CRACDL: variants seen among roughly 807,000 people sequenced by gnomAD.
The protein encoded by CRACDL is CRACD like.
A neutral mutation model predicts 70.6 loss-of-function variants in CRACDL; 26 were observed. The observed-to-expected ratio is 0.37, with a 90% CI of 0.27 to 0.51. CRACDL has a LOEUF of 0.51. Among genes scored for constraint, CRACDL ranks in the 20% least tolerant of loss-of-function variants. The pLI, the probability that CRACDL is intolerant of heterozygous loss-of-function variation, is 0.94. For missense variants in CRACDL, 1,283 were observed against 1,376.9 expected (o/e 0.93, Z 1.08); for synonymous variants, 618 against 615.2 (o/e 1.00, Z -0.07).
intron 1 of CRACDL, among the ~76,000 whole-genome samples, chr2:98,851,825 A>G (rs1706494557): frequency 6.6e-6 from 1 of 152,264 alleles, no homozygotes; most frequent in Non-Finnish European, 1.5e-5. Flanking sequence ...GATGATAAGT[A>G]TAAACTGTGG....
chr2:98,895,511 G>A (rs1210101246), intron 1 of CRACDL, among the ~76,000 whole-genome samples: 1 of 152,196 alleles, frequency 6.6e-6, no homozygotes, highest in African/African-American at 2.4e-5. Context: ...CCCGGAGGCA[G>A]GGGGGAACAT....
In CRACDL at chr2:98,827,032, G is replaced by A; in HGVS notation, c.678C>T (p.His226=). Residue 226 remains histidine (H), a synonymous_variant, in exon 6 of 10, where the codon CAC becomes CAT. Coordinates refer to ENST00000397899, the MANE Select transcript of CRACDL (RefSeq NM_207362.3). ...SSCLDNSAAK[H]KLQVKPRNQR... is the part of the protein sequence containing the mutation. Reference sequence around the variant, plus strand: ...GGTTGCGGGGCTTGACCTGGAGCTTGTGCTTAGCTGCAGAGTTGTCCAGGC... The same window carrying A: ...GGTTGCGGGGCTTGACCTGGAGCTTATGCTTAGCTGCAGAGTTGTCCAGGC... 1.9e-6 allele frequency: 3 copies of A among 1,614,128 alleles called. No individual in the cohort carries two copies. The highest frequency in any genetic ancestry group is 2.5e-6 in the Non-Finnish European group (3 of 1,180,008).
chr2:98,833,546 T>C (rs1380699810), intron 3 of CRACDL, among the ~76,000 whole-genome samples: 2 of 152,246 alleles, frequency 1.3e-5, no homozygotes, highest in Admixed American at 1.3e-4. Context: ...TTTTATGACC[T>C]GGCACCATCT....
chr2:98,819,714 T>C (rs1035843770), intron 7 of CRACDL, among the ~76,000 whole-genome samples: 9 of 152,194 alleles, frequency 5.9e-5, no homozygotes, highest in East Asian at 1.9e-4. Flanking sequence ...TTTCTTCCTA[T>C]GTATGCATCT....
chr2:98,860,245 C>A (rs1403089210), intron 1 of CRACDL, among the ~76,000 whole-genome samples: 2 of 152,180 alleles, frequency 1.3e-5, no homozygotes, highest in Non-Finnish European at 2.9e-5. Context: ...AGAATCAATG[C>A]AACCTTTATC....
intron 1 of CRACDL, among the ~76,000 whole-genome samples, chr2:98,852,047 T>C (rs1706501985): frequency 6.6e-6 from 1 of 152,196 alleles, no homozygotes; most frequent in African/African-American, 2.4e-5. Flanking sequence ...GTGGAGTGGC[T>C]GGAGCTCAAA....
chr2:98,875,601 G>C (rs980300029), intron 1 of CRACDL, among the ~76,000 whole-genome samples: 3 of 152,254 alleles, frequency 2.0e-5, no homozygotes, highest in African/African-American at 7.2e-5. Context: ...CTATCAGCTG[G>C]TGGTCTGGGC....
In CRACDL at chr2:98,893,932, G is replaced by A. The variant is rs140046197; in HGVS notation, c.-11+42006C>T. ...GACCCTGGGTGCCACCCCCAGAGGC[G>A]CTGACTGAATTCACTGGGCATGGGC... is the stretch of plus-strand genomic sequence containing the variant. On this transcript the variant is annotated intron_variant, in intron 1 of 9. Coordinates refer to ENST00000397899, the MANE Select transcript of CRACDL (RefSeq NM_207362.3). Among the ~76,000 whole-genome samples, 230 of 152,292 alleles carry A rather than the reference G, an allele frequency of 1.5e-3. 1 individual carries two copies. Among genetic ancestry groups the A allele is most frequent in the African/African-American group, 4.2e-3 (176 of 41,560 alleles).
intron 2 of CRACDL, among the ~76,000 whole-genome samples, chr2:98,845,827 A>T (rs1384479001): frequency 6.6e-6 from 1 of 152,182 alleles, no homozygotes; most frequent in Non-Finnish European, 1.5e-5. Flanking sequence ...TTATATTTGG[A>T]TTTATTTGGT....
intron 1 of CRACDL, among the ~76,000 whole-genome samples, chr2:98,881,295 C>T (rs1707644564): frequency 6.6e-6 from 1 of 152,208 alleles, no homozygotes; most frequent in African/African-American, 2.4e-5. Flanking sequence ...TCAGCCCCAC[C>T]TGGGAGCAGG....
At chr2:98,873,964 C>T (rs528133151) in intron 1 of CRACDL, among the ~76,000 whole-genome samples, 1 of 152,166 alleles carries the variant, frequency 6.6e-6, no homozygotes. Flanking sequence ...TGAGATTGTG[C>T]CACTGCACTC....
intron 7 of CRACDL, among the ~76,000 whole-genome samples, chr2:98,815,291 T>A (rs1455478429): frequency 6.6e-6 from 1 of 152,260 alleles, no homozygotes; most frequent in Non-Finnish European, 1.5e-5. Context: ...TGAGACTTGG[T>A]CCTTCTAAAA....
In CRACDL at chr2:98,918,539, C is replaced by CAAAAAAAAAAAAAA. The variant is rs58312556; in HGVS notation, c.-11+17385_-11+17398dup. Among the ~76,000 whole-genome samples, 155 of 66,346 alleles carry CAAAAAAAAAAAAAA rather than the reference C, an allele frequency of 2.3e-3. 6 individuals are homozygous for CAAAAAAAAAAAAAA. Among genetic ancestry groups the CAAAAAAAAAAAAAA allele is most frequent in the Non-Finnish European group, 3.2e-3 (113 of 35,032 alleles). The allele number at this position is 66,346 out of a possible 152,430, so 43.5% of individuals were successfully genotyped here. A position where few individuals can be genotyped will look rare whatever the true frequency, so the allele number is the denominator to read the frequency against. On this transcript the variant is annotated intron_variant, in intron 1 of 9. Coordinates refer to ENST00000397899, the MANE Select transcript of CRACDL (RefSeq NM_207362.3). ...GGCGACAGAGCAAGATGTTGTCTAC[C>CAAAAAAAAAAAAAA]AAAAAAAAAAAAAAAAAAAAAAAAA... is the stretch of plus-strand genomic sequence containing the variant.
intron 1 of CRACDL, among the ~76,000 whole-genome samples, chr2:98,877,630 T>G (rs1472848206): frequency 6.6e-6 from 1 of 151,810 alleles, no homozygotes; most frequent in African/African-American, 2.4e-5. Context: ...GTGCCTATAG[T>G]CCCAGCAACT....
chr2:98,872,402 T>C (rs1001838223), intron 1 of CRACDL, among the ~76,000 whole-genome samples: 1 of 151,946 alleles, frequency 6.6e-6, no homozygotes, highest in African/African-American at 2.4e-5. Context: ...AAGTGGGAGC[T>C]AAACAAGGAG....
At chr2:98,913,973 C>T (rs1708605584) in intron 1 of CRACDL, among the ~76,000 whole-genome samples, 1 of 152,228 alleles carries the variant, frequency 6.6e-6, no homozygotes, top group East Asian at 1.9e-4. Context: ...CTGGGGAGGT[C>T]CTGAATGCAT....
intron 6 of CRACDL, among the ~76,000 whole-genome samples, chr2:98,824,185 G>A (rs970685276): frequency 3.3e-5 from 5 of 152,054 alleles, no homozygotes; most frequent in Non-Finnish European, 7.4e-5. Context: ...TAGATTCTCT[G>A]GTCTTAAGCC....
intron 1 of CRACDL, among the ~76,000 whole-genome samples, chr2:98,847,228 T>C (rs2104537358): frequency 6.6e-6 from 1 of 152,366 alleles, no homozygotes; most frequent in African/African-American, 2.4e-5. Context: ...TTCCTTCCAA[T>C]AATTTTTTAC....
intron 1 of CRACDL, among the ~76,000 whole-genome samples, chr2:98,859,456 C>T (rs547823423): frequency 1.3e-5 from 2 of 152,264 alleles, no homozygotes; most frequent in African/African-American, 4.8e-5. Flanking sequence ...AGAGATTACA[C>T]AGCATGACCA....
Sources: gnomAD v4.1 joint callset for allele counts (sites outside exome capture counted in the v4.1 genomes callset) on GRCh38, gnomAD v4.1.1 for gene constraint, MANE v1.5 for transcripts, NCBI Gene and HGNC (gene_info 2026-07-23, HGNC 2026-07-21) for gene names.